The following HMGXB3 variants were observed in gnomAD, a reference collection of about 807,000 sequenced individuals.
HMGXB3 encodes HMG domain-containing protein 3.
A neutral mutation model predicts 121.5 loss-of-function variants in HMGXB3; 45 were observed. The ratio of observed to expected loss-of-function variants is 0.37; its 90% confidence interval spans 0.29 to 0.47. The LOEUF is 0.47. Ranked by LOEUF, HMGXB3 falls within the 20% of genes least tolerant of loss-of-function variation. The pLI is 0.99. For missense variants in HMGXB3, 1,376 were observed against 1,602.2 expected, an observed-to-expected ratio of 0.86 and a Z score of 2.41; for synonymous variants, 590 against 624.1, an observed-to-expected ratio of 0.95 and a Z score of 0.81.
chr5:150,047,443 A>T, intron 16 of HMGXB3, 181 bp from the exon 17 acceptor site: 1 of 636,848 alleles, frequency 1.6e-6, no homozygotes, highest in Non-Finnish European at 2.7e-6. Flanking sequence ...GCAGAAAGCC[A>T]GTTGTAATAG....
intron 9 of HMGXB3, among the ~76,000 whole-genome samples, chr5:150,029,811 A>G (rs925745447): frequency 6.6e-6 from 1 of 152,188 alleles, no homozygotes; most frequent in Non-Finnish European, 1.5e-5. Flanking sequence ...ACTGGCTTTT[A>G]CTTTGAGAAC....
chr5:150,027,190 G>T, intron 9 of HMGXB3, 73 bp downstream of exon 9: 1 of 1,162,752 alleles, frequency 8.6e-7, no homozygotes, highest in Non-Finnish European at 1.2e-6. Context: ...AAAGCTATAG[G>T]TAAAGGCACA....
At chr5:150,002,808 G>T (rs1755609183) in intron 1 of HMGXB3, among the ~76,000 whole-genome samples, 1 of 152,218 alleles carries the variant, frequency 6.6e-6, no homozygotes, top group African/African-American at 2.4e-5. Context: ...GTTTAGATCT[G>T]TGCTGTCTCT....
chr5:150,032,418 T>G, intron 10 of HMGXB3, 36 bp from the exon 11 acceptor site: 1 of 1,540,928 alleles, frequency 6.5e-7, no homozygotes, highest in East Asian at 2.5e-5. Context: ...TTTAACTTAA[T>G]TTTTGTAGAA....
rs1181631761 is a variant in HMGXB3, at chr5:150,052,135, C to A, written c.3822C>A (p.Ile1274=). 2 of 1,551,396 alleles carry A rather than the reference C, an allele frequency of 1.3e-6. No homozygotes were observed. The highest frequency in any genetic ancestry group is 4.9e-5 in the East Asian group (2 of 40,914). ...DTLYRLGVAQ[I]KTETEEEGEE... Reference sequence around the variant, plus strand: ...TCTACCGCCTTGGGGTTGCTCAGATCAAGACAGAGACAGAGGAGGAGGGTG... The same window carrying A: ...TCTACCGCCTTGGGGTTGCTCAGATAAAGACAGAGACAGAGGAGGAGGGTG... Residue 1274 remains isoleucine, a synonymous_variant, in exon 20 of 20, where the codon ATC becomes ATA. Coordinates refer to ENST00000502717, the MANE Select transcript of HMGXB3 (RefSeq NM_014983.3).
rs763163899 is a variant in HMGXB3, at chr5:150,030,884, T to G, written c.1833+45T>G. 24 of 1,459,044 alleles carry G rather than the reference T, an allele frequency of 1.6e-5. 1 individual carries two copies. The South Asian group carries it at 2.8e-4, about 17-fold the overall frequency. 90.4% of individuals were successfully genotyped at this position (1,459,044 alleles called of 1,614,324 possible). ...GTGGTGGGTTGACATGGAGGTTGTT[T>G]TGATTTTGTGGTTGAAGGTCAGTAG... On this transcript the variant is annotated intron_variant, in intron 10 of 19. Transcript: ENST00000502717.
At chr5:150,051,629 A>G (rs1223265671) in intron 19 of HMGXB3, 96 bp from the exon 20 acceptor site, 1 of 1,008,194 alleles carries the variant, frequency 9.9e-7, no homozygotes, top group Non-Finnish European at 1.4e-6. Flanking sequence ...GTTAGGATTC[A>G]AAGAGGGCTG....
intron 4 of HMGXB3, among the ~76,000 whole-genome samples, 179 bp from the exon 5 acceptor site, chr5:150,012,076 A>G (rs1374269505): frequency 6.6e-6 from 1 of 152,232 alleles, no homozygotes; most frequent in South Asian, 2.1e-4. Flanking sequence ...CTGTGGAAAT[A>G]GTTTTCTCTT....
intron 10 of HMGXB3, among the ~76,000 whole-genome samples, chr5:150,031,781 C>T (rs1169114911): frequency 1.3e-5 from 2 of 152,158 alleles, no homozygotes; most frequent in African/African-American, 2.4e-5. Flanking sequence ...AGGATCTGTA[C>T]TGGGGATTCA....
chr5:150,024,687 C>A lies in HMGXB3; in HGVS notation c.1460+7C>A. ...CTCCTAAAAAACCTACAGGGTAAGT[C>A]AGTGTGTTTGTATAATATAGGGCTT... On this transcript the variant is annotated splice_region_variant and intron_variant, in intron 7 of 19. Transcript: ENST00000502717. 1 of 1,533,080 alleles carries A rather than the reference C, an allele frequency of 6.5e-7. No individual in the cohort carries two copies. The highest frequency in any genetic ancestry group is 1.2e-5 in the South Asian group (1 of 80,820). 95.0% of individuals were successfully genotyped at this position (1,533,080 alleles called of 1,614,324 possible).
At chr5:150,027,701 C>T (rs184700209) in intron 9 of HMGXB3, among the ~76,000 whole-genome samples, 174 of 152,206 alleles carry the variant, frequency 1.1e-3, no homozygotes, top group Non-Finnish European at 2.1e-3. Flanking sequence ...TACAGGAGCA[C>T]ACCACCACGC....
chr5:150,036,992 C>T, intron 12 of HMGXB3, 55 bp downstream of exon 12: 3 of 1,377,230 alleles, frequency 2.2e-6, no homozygotes, highest in South Asian at 1.4e-5. Context: ...GCTCATACTG[C>T]TCTTTTCTTC....
chr5:150,050,220 T>A, intron 18 of HMGXB3, 32 bp from the exon 19 acceptor site: 1 of 1,532,460 alleles, frequency 6.5e-7, no homozygotes, highest in South Asian at 1.2e-5. Context: ...GCTTCCTAAT[T>A]AACCCTGCGC....
intron 11 of HMGXB3, among the ~76,000 whole-genome samples, chr5:150,035,310 G>C (rs1756475958): frequency 6.6e-6 from 1 of 152,138 alleles, no homozygotes. Flanking sequence ...AGGGGAGCCA[G>C]CATGCATAGA....
At chr5:150,045,418 A>G in intron 15 of HMGXB3, 48 bp from the exon 16 acceptor site, 1 of 1,434,410 alleles carries the variant, frequency 7.0e-7, no homozygotes, top group East Asian at 2.5e-5. Context: ...TGTGTTGCTG[A>G]TGTTCTGTGA....
At chr5:150,050,492 T>A in intron 19 of HMGXB3, 31 bp downstream of exon 19, 1 of 1,490,326 alleles carries the variant, frequency 6.7e-7, no homozygotes, top group Non-Finnish European at 9.2e-7. Flanking sequence ...CTGCCATGTC[T>A]CCTCAAGCCT....
chr5:150,049,484 A>G (rs1486068104), intron 18 of HMGXB3, among the ~76,000 whole-genome samples: 1 of 152,156 alleles, frequency 6.6e-6, no homozygotes, highest in Non-Finnish European at 1.5e-5. Flanking sequence ...ATGAGTCAGC[A>G]GGGGGATCTA....
chr5:150,051,611 A>C (rs1756899726), intron 19 of HMGXB3, 114 bp from the exon 20 acceptor site: 2 of 832,614 alleles, frequency 2.4e-6, no homozygotes, highest in South Asian at 1.8e-5. Flanking sequence ...GACACAGTAC[A>C]TGGTGATGTT....
intron 16 of HMGXB3, among the ~76,000 whole-genome samples, chr5:150,046,566 A>G (rs1161521800): frequency 6.6e-6 from 1 of 152,184 alleles, no homozygotes; most frequent in Non-Finnish European, 1.5e-5. Context: ...TAATCCCAGC[A>G]CTTTGGGAGG....
Sources: allele counts gnomAD v4.1 joint callset (sites outside exome capture counted in the v4.1 genomes callset), GRCh38; gene constraint gnomAD v4.1.1; transcripts MANE v1.5; gene names NCBI Gene and HGNC (gene_info 2026-07-23, HGNC 2026-07-21).